OR4E2: variants seen among roughly 807,000 people sequenced by gnomAD.
OR4E2 encodes olfactory receptor 4E2.
Under a neutral mutation model 11.0 loss-of-function variants are expected in OR4E2, and 9 were observed. That is an observed-to-expected ratio of 0.82 (90% confidence interval 0.49 to 1.43). OR4E2 has a LOEUF of 1.43. Among genes scored for constraint, OR4E2 ranks in the 40% most tolerant of loss-of-function variants. OR4E2 has a pLI of 0.00. For synonymous variants in OR4E2, 159 were observed against 147.3 expected, an observed-to-expected ratio of 1.08 and a Z score of -0.57; for missense variants, 441 against 382.0, an observed-to-expected ratio of 1.15 and a Z score of -1.29.
chr14:21,654,951 G>C (rs1879861476), intron 1 of OR4E2, among the ~76,000 whole-genome samples: 1 of 152,066 alleles, frequency 6.6e-6, no homozygotes, highest in Non-Finnish European at 1.5e-5. Flanking sequence ...TTTTTCTTAA[G>C]GCCTTCTACT....
At position 21,653,905 on chromosome 14, in the gene OR4E2, C is replaced by G. The variant is rs186715413; in HGVS notation, c.-225C>G. ...GGCTTCTATAATAGGGTATCAGAGGCGAATGGAATCATTAGAGGAGATACA... is the reference window on the plus strand; with the variant it reads ...GGCTTCTATAATAGGGTATCAGAGGGGAATGGAATCATTAGAGGAGATACA... On this transcript the variant is annotated 5_prime_UTR_variant, in exon 1 of 4. Coordinates refer to ENST00000641524, the MANE Select transcript of OR4E2 (RefSeq NM_001001912.3). The G allele has an allele frequency of 6.6e-6, 1 of 151,792 alleles. No homozygotes were observed. The highest frequency in any genetic ancestry group is 6.6e-5 in the Admixed American group (1 of 15,248). 9.4% of individuals were successfully genotyped at this position (151,792 alleles called of 1,614,324 possible).
Position 21,665,493 on chromosome 14 carries a change from C to T in OR4E2, c.411C>T (p.Asn137=). The change falls in exon 4 of 4, where the codon AAC becomes AAT. Residue 137 remains asparagine, a synonymous_variant. Coordinates refer to ENST00000641524, the MANE Select transcript of OR4E2 (RefSeq NM_001001912.3). ...CACTCCACTACCCCAATGTGATGAACATGAGAGTCTGTATACAGCTTGTCT... is the reference window on the plus strand; with the variant it reads ...CACTCCACTACCCCAATGTGATGAATATGAGAGTCTGTATACAGCTTGTCT... The part of the protein sequence containing the change: ...CTPLHYPNVM[N]MRVCIQLVFA... 1 of 1,614,160 alleles carries T rather than the reference C, an allele frequency of 6.2e-7. No homozygotes were observed. The highest frequency in any genetic ancestry group is 8.5e-7 in the Non-Finnish European group (1 of 1,180,036).
At chr14:21,661,127 G>A (rs1880298612) in intron 3 of OR4E2, among the ~76,000 whole-genome samples, 1 of 151,958 alleles carries the variant, frequency 6.6e-6, no homozygotes, top group Non-Finnish European at 1.5e-5. Flanking sequence ...GAACAATTAT[G>A]AATTATAATG....
At position 21,665,674 on chromosome 14, in the gene OR4E2, C is replaced by G; in HGVS notation, c.592C>G (p.Leu198Val). 1 of 1,614,154 alleles carries G rather than the reference C, an allele frequency of 6.2e-7. No homozygotes were observed. The highest frequency in any genetic ancestry group is 1.1e-5 in the South Asian group (1 of 91,078). The change falls in exon 4 of 4, where the codon CTG becomes GTG. Residue 198 changes from leucine (L) to valine (V), a missense_variant. By Grantham distance (32) the Leu-to-Val change is conservative. Transcript: ENST00000641524. ...CACAGATACATACCTCACAGGAATA[C>G]TGATTGTGACCAATAGTGGAACCAT... is the stretch of plus-strand genomic sequence containing the variant. Reference protein sequence around the residue: ...ACTDTYLTGILIVTNSGTISL... With the variant: ...ACTDTYLTGIVIVTNSGTISL...
intron 2 of OR4E2, among the ~76,000 whole-genome samples, chr14:21,657,788 C>G (rs1034417512): frequency 3.9e-5 from 6 of 151,994 alleles, no homozygotes; most frequent in African/African-American, 1.2e-4. Context: ...CGGGGTTTCT[C>G]CATGTTGGCC....
intron 3 of OR4E2, among the ~76,000 whole-genome samples, chr14:21,661,616 T>A (rs1252769841): frequency 6.6e-6 from 1 of 152,228 alleles, no homozygotes; most frequent in Non-Finnish European, 1.5e-5. Context: ...GAGGCCTGGG[T>A]ATCAAAATTT....
chr14:21,655,507 T>C (rs1594541234), intron 1 of OR4E2, among the ~76,000 whole-genome samples: 2 of 151,994 alleles, frequency 1.3e-5, no homozygotes, highest in African/African-American at 4.8e-5. Flanking sequence ...TCTAAAAAAA[T>C]TCAAAACACC....
At position 21,665,693 on chromosome 14, in the gene OR4E2, G is replaced by A. The variant is rs1472193881; in HGVS notation, c.611G>A (p.Gly204Glu). The change falls in exon 4 of 4, where the codon GGA becomes GAA. Residue 204 changes from glycine (G) to glutamate (E), a missense_variant. Physicochemically the swap from Gly to Glu is moderately conservative, Grantham distance 98 (BLOSUM62 -2). Transcript: ENST00000641524. ...LTGILIVTNS[G>E]TISLSCFLAV... ...GGAATACTGATTGTGACCAATAGTG[G>A]AACCATCTCCCTCTCCTGTTTCTTG... The A allele has an allele frequency of 3.7e-6, 6 of 1,614,004 alleles. No individual in the cohort carries two copies. The highest frequency in any genetic ancestry group is 3.4e-6 in the Non-Finnish European group (4 of 1,180,030).
At chr14:21,654,525 G>C (rs933553221) in intron 1 of OR4E2, among the ~76,000 whole-genome samples, 7 of 151,978 alleles carry the variant, frequency 4.6e-5, no homozygotes, top group Non-Finnish European at 8.8e-5. Context: ...ATACATGGGA[G>C]GATTGGTTTC....
chr14:21,662,665 T>C lies in OR4E2; in HGVS notation c.-9+1919T>C, dbSNP rs1033348351. ...TTTATCTCATTTTTATTCATTATGT[T>C]TAATATTTTTTCACGTTGGTAGGCC... On this transcript the variant is annotated intron_variant, in intron 3 of 3. Coordinates refer to ENST00000641524, the MANE Select transcript of OR4E2 (RefSeq NM_001001912.3). Among the ~76,000 whole-genome samples, 10 of 152,232 alleles carry C rather than the reference T, an allele frequency of 6.6e-5. 1 individual carries two copies. The highest frequency in any genetic ancestry group is 1.7e-4 in the African/African-American group (7 of 41,468).
intron 1 of OR4E2, among the ~76,000 whole-genome samples, chr14:21,654,577 C>A (rs745833090): frequency 1.9e-4 from 29 of 152,136 alleles, no homozygotes; most frequent in Admixed American, 2.6e-4. Flanking sequence ...GTCATCCCTG[C>A]AGAACTGGTA....
At chr14:21,661,614 G>A (rs1880332204) in intron 3 of OR4E2, among the ~76,000 whole-genome samples, 1 of 152,116 alleles carries the variant, frequency 6.6e-6, no homozygotes, top group Admixed American at 6.5e-5. Context: ...ATGAGGCCTG[G>A]GTATCAAAAT....
chr14:21,653,970 A>T, intron 1 of OR4E2, 31 bp downstream of exon 1: 1 of 152,232 alleles, frequency 6.6e-6, no homozygotes, highest in African/African-American at 2.4e-5. Flanking sequence ...GAGAACATTT[A>T]TTTTAAACAA....
chr14:21,658,866 G>A (rs1449767584), intron 2 of OR4E2, among the ~76,000 whole-genome samples: 1 of 151,890 alleles, frequency 6.6e-6, no homozygotes, highest in Non-Finnish European at 1.5e-5. Flanking sequence ...CAATACTGAT[G>A]TCTAGTGGGG....
At chr14:21,664,005 A>T (rs185822577) in intron 3 of OR4E2, among the ~76,000 whole-genome samples, 1 of 152,198 alleles carries the variant, frequency 6.6e-6, no homozygotes, top group East Asian at 1.9e-4. Context: ...TCTATCATTG[A>T]TGGGCATTTA....
In OR4E2 at chr14:21,665,501, T is replaced by C; in HGVS notation, c.419T>C (p.Val140Ala). 1.2e-6 allele frequency: 2 copies of C among 1,614,078 alleles called. No individual in the cohort carries two copies. The highest frequency in any genetic ancestry group is 2.2e-5 in the East Asian group (1 of 44,878). Residue 140 changes from valine to alanine, a missense_variant, in exon 4 of 4, where the codon GTC becomes GCC. Transcript: ENST00000641524. ...TACCCCAATGTGATGAACATGAGAG[T>C]CTGTATACAGCTTGTCTTTGCTCTC... The part of the protein sequence containing the change: ...LHYPNVMNMR[V>A]CIQLVFALWL...
intron 2 of OR4E2, among the ~76,000 whole-genome samples, chr14:21,659,227 G>A (rs1472101996): frequency 6.6e-6 from 1 of 152,116 alleles, no homozygotes; most frequent in East Asian, 1.9e-4. Flanking sequence ...TAGAGATGCA[G>A]TGTCACTATG....
In OR4E2 at chr14:21,666,186, G is replaced by A; in HGVS notation, c.*162G>A. The A allele has an allele frequency of 3.8e-6, 2 of 530,898 alleles. No homozygotes were observed. The highest frequency in any genetic ancestry group is 3.2e-5 in the East Asian group (1 of 31,584). 32.9% of individuals were successfully genotyped at this position (530,898 alleles called of 1,614,324 possible). A position where few individuals can be genotyped will look rare whatever the true frequency, so the allele number is the denominator to read the frequency against. ...ATAAGAACTTATTCTGTTCATTAAA[G>A]ATAAGAACTTATTAACTATTATTTA... On this transcript the variant is annotated 3_prime_UTR_variant, in exon 4 of 4. Transcript: ENST00000641524.
At chr14:21,655,054 A>T (rs1879866336) in intron 1 of OR4E2, among the ~76,000 whole-genome samples, 1 of 152,220 alleles carries the variant, frequency 6.6e-6, no homozygotes, top group Admixed American at 6.5e-5. Context: ...AAATACCTTC[A>T]AAGCAACAGC....
Sources: gnomAD v4.1 joint callset for allele counts (sites outside exome capture counted in the v4.1 genomes callset) on GRCh38, gnomAD v4.1.1 for gene constraint, MANE v1.5 for transcripts, NCBI Gene and HGNC (gene_info 2026-07-23, HGNC 2026-07-21) for gene names.